Variants in TMEM132D observed in about 807,000 individuals in gnomAD.
The protein encoded by TMEM132D is transmembrane protein 132D.
In TMEM132D, 21 loss-of-function variants were observed where a neutral mutation model predicts 62.3. The observed-to-expected ratio is 0.34, with a 90% CI of 0.24 to 0.49. TMEM132D has a LOEUF of 0.49. Among genes scored for constraint, TMEM132D ranks in the 20% least tolerant of loss-of-function variants. TMEM132D has a pLI of 0.99. For synonymous variants in TMEM132D, 621 were observed against 575.6 expected (o/e 1.08, Z -1.13); for missense variants, 1,346 against 1,402.8 (o/e 0.96, Z 0.65).
At chr12:129,377,306 T>G (rs1593356738) in intron 3 of TMEM132D, among the ~76,000 whole-genome samples, 1 of 152,148 alleles carries the variant, frequency 6.6e-6, no homozygotes, top group East Asian at 1.9e-4. Context: ...AATAAACTCC[T>G]GTTGGTGAAG....
At chr12:129,897,580 C>A (rs1593203219) in intron 1 of TMEM132D, among the ~76,000 whole-genome samples, 1 of 151,954 alleles carries the variant, frequency 6.6e-6, no homozygotes, top group Admixed American at 6.6e-5. Context: ...ATAAAAAAAA[C>A]AAAAAAGAAG....
intron 3 of TMEM132D, among the ~76,000 whole-genome samples, chr12:129,420,313 T>TTTTG (rs1275879933): frequency 0.031 from 1,810 of 57,616 alleles, 91 homozygotes; most frequent in African/African-American, 0.085. Context: ...TCTGTTTTTT[T>TTTTG]TTTTTTTTTT....
intron 1 of TMEM132D, among the ~76,000 whole-genome samples, chr12:129,757,548 C>T (rs899157145): frequency 1.3e-5 from 2 of 152,158 alleles, no homozygotes; most frequent in South Asian, 4.1e-4. Context: ...CCAAACTTCA[C>T]GTGCCCAAAG....
At chr12:129,506,751 A>C (rs1875342890) in intron 3 of TMEM132D, among the ~76,000 whole-genome samples, 1 of 152,236 alleles carries the variant, frequency 6.6e-6, no homozygotes, top group Non-Finnish European at 1.5e-5. Flanking sequence ...GGAACTACAA[A>C]AATTCTAGAA....
At chr12:129,775,408 T>C (rs1224213723) in intron 1 of TMEM132D, among the ~76,000 whole-genome samples, 2 of 152,128 alleles carry the variant, frequency 1.3e-5, no homozygotes, top group Non-Finnish European at 2.9e-5. Flanking sequence ...GAACCAGGCA[T>C]GGGAGAGCCA....
intron 2 of TMEM132D, among the ~76,000 whole-genome samples, chr12:129,635,748 G>GCC: frequency 1.3e-5 from 2 of 152,218 alleles, no homozygotes; most frequent in Non-Finnish European, 2.9e-5. Context: ...AATATTTATA[G>GCC]AGGTTTATCC....
At chr12:129,520,998 A>G (rs1243454328) in intron 3 of TMEM132D, among the ~76,000 whole-genome samples, 1 of 152,240 alleles carries the variant, frequency 6.6e-6, no homozygotes, top group Admixed American at 6.5e-5. Context: ...ATTGTAGACA[A>G]AAAACACCCA....
chr12:129,631,060 C>T (rs1229187621), intron 2 of TMEM132D, among the ~76,000 whole-genome samples: 2 of 152,084 alleles, frequency 1.3e-5, no homozygotes, highest in African/African-American at 2.4e-5. Context: ...TGACCTACCC[C>T]ATATGGGGTA....
intron 5 of TMEM132D, among the ~76,000 whole-genome samples, chr12:129,167,419 T>C (rs1877599358): frequency 1.3e-5 from 2 of 152,122 alleles, no homozygotes; most frequent in Non-Finnish European, 2.9e-5. Context: ...AGCTGGCACC[T>C]AAAACCAGAC....
At chr12:129,433,162 A>G (rs1872707401) in intron 3 of TMEM132D, among the ~76,000 whole-genome samples, 1 of 152,162 alleles carries the variant, frequency 6.6e-6, no homozygotes, top group African/African-American at 2.4e-5. Flanking sequence ...TCTACTGGTC[A>G]TGGACTTTAC....
chr12:129,087,734 G>T (rs917809643), intron 5 of TMEM132D, among the ~76,000 whole-genome samples: 3 of 152,228 alleles, frequency 2.0e-5, no homozygotes, highest in Non-Finnish European at 4.4e-5. Flanking sequence ...TTCAGAACTG[G>T]AAGAGAATAC....
At chr12:129,307,060 T>A (rs1881862948) in intron 4 of TMEM132D, among the ~76,000 whole-genome samples, 1 of 27,272 alleles carries the variant, frequency 3.7e-5, no homozygotes. Flanking sequence ...GACAATAGAC[T>A]GATTTTTTTT....
chr12:129,343,404 C>T (rs985864342), intron 3 of TMEM132D, among the ~76,000 whole-genome samples: 1 of 146,630 alleles, frequency 6.8e-6, no homozygotes, highest in Non-Finnish European at 1.5e-5. Flanking sequence ...GGAAGAGGAA[C>T]ATCACACACT....
intron 5 of TMEM132D, among the ~76,000 whole-genome samples, chr12:129,122,839 G>GTTAA (rs1365329629): frequency 8.5e-5 from 13 of 152,156 alleles, no homozygotes; most frequent in African/African-American, 2.7e-4. Context: ...AAATACTGAA[G>GTTAA]TTAACATAAA....
At chr12:129,428,040 C>G (rs1281511745) in intron 3 of TMEM132D, among the ~76,000 whole-genome samples, 1 of 152,034 alleles carries the variant, frequency 6.6e-6, no homozygotes, top group African/African-American at 2.4e-5. Context: ...AATGATTCCA[C>G]CTACCCAATA....
intron 2 of TMEM132D, among the ~76,000 whole-genome samples, chr12:129,604,201 A>G (rs1158492221): frequency 1.3e-5 from 2 of 152,130 alleles, no homozygotes; most frequent in East Asian, 3.8e-4. Flanking sequence ...GAGCACTAGG[A>G]AAAAAACCTA....
chr12:129,536,237 G>T (rs1593056005), intron 2 of TMEM132D, among the ~76,000 whole-genome samples: 1 of 152,160 alleles, frequency 6.6e-6, no homozygotes, highest in African/African-American at 2.4e-5. Flanking sequence ...ACAATACACA[G>T]TGTGCACCCA....
chr12:129,373,898 C>T (rs11060286), intron 3 of TMEM132D, among the ~76,000 whole-genome samples: 34,200 of 152,092 alleles, frequency 0.22, 4,089 homozygotes, highest in Non-Finnish European at 0.27. Flanking sequence ...CTTTCCTTTG[C>T]TGCATTGGGG....
chr12:129,492,700 C>T (rs7971121), intron 3 of TMEM132D, among the ~76,000 whole-genome samples: 88,349 of 151,514 alleles, frequency 0.58, 27,188 homozygotes, highest in African/African-American at 0.8. Context: ...GACAGTACCA[C>T]CTTCTTCTTT....
Sources: allele counts gnomAD v4.1 joint callset (sites outside exome capture counted in the v4.1 genomes callset), GRCh38; gene constraint gnomAD v4.1.1; transcripts MANE v1.5; gene names NCBI Gene and HGNC (gene_info 2026-07-23, HGNC 2026-07-21).